The following ALPK1 variants were observed in gnomAD, a reference collection of about 807,000 sequenced individuals.
ALPK1 encodes the protein alpha kinase 1, also known as alpha-protein kinase 1.
A neutral mutation model predicts 120.6 loss-of-function variants in ALPK1; 110 were observed. The ratio of observed to expected loss-of-function variants is 0.91; its 90% CI spans 0.78 to 1.07. ALPK1 has a LOEUF of 1.07. Among genes scored for constraint, ALPK1 ranks in the 50% least tolerant of loss-of-function variants. The pLI is 0.00. For missense variants in ALPK1, 1,498 were observed against 1,483.9 expected, an observed-to-expected ratio of 1.01 and a Z score of -0.16; for synonymous variants, 582 against 560.3, an observed-to-expected ratio of 1.04 and a Z score of -0.55.
chr4:112,341,251 A>C (rs2148706117), intron 2 of ALPK1, among the ~76,000 whole-genome samples: 1 of 152,326 alleles, frequency 6.6e-6, no homozygotes, highest in South Asian at 2.1e-4. Context: ...GCTGTTTCAC[A>C]CAGCAAGCTG....
chr4:112,395,645 A>G (rs1732615286), intron 4 of ALPK1, among the ~76,000 whole-genome samples: 1 of 152,254 alleles, frequency 6.6e-6, no homozygotes, highest in African/African-American at 2.4e-5. Context: ...TTTGAAGTGT[A>G]ATATTGGCAT....
intron 2 of ALPK1, among the ~76,000 whole-genome samples, chr4:112,372,849 T>C (rs1195988672): frequency 1.3e-5 from 2 of 152,146 alleles, no homozygotes; most frequent in Non-Finnish European, 2.9e-5. Flanking sequence ...AAAGACCACT[T>C]TCTACCTTAA....
At chr4:112,422,019 A>T (rs1011842225) in intron 5 of ALPK1, among the ~76,000 whole-genome samples, 1 of 152,174 alleles carries the variant, frequency 6.6e-6, no homozygotes, top group African/African-American at 2.4e-5. Context: ...GGTGACTTGA[A>T]CACAAGCACT....
chr4:112,377,814 G>T lies in ALPK1; in HGVS notation c.37G>T (p.Glu13Ter). ...NQKVVAVLLQ[E>*]CKQVLDQLLL... ...AAAAGTGGTAGCTGTGCTACTGCAA[G>T]AGTGCAAGCAAGTGCTGGATCAGCT... The change falls in exon 3 of 16, where the codon GAG becomes TAG. Residue 13 changes from glutamate (E) to a stop codon, truncating the protein, a stop_gained. Transcript: ENST00000650871. LOFTEE classifies it high-confidence loss of function. 6.2e-7 allele frequency: 1 copy of T among 1,613,362 alleles called. No homozygotes were observed. The highest frequency in any genetic ancestry group is 8.5e-7 in the Non-Finnish European group (1 of 1,179,598).
At chr4:112,397,631 T>A (rs1732709350) in intron 4 of ALPK1, among the ~76,000 whole-genome samples, 1 of 152,196 alleles carries the variant, frequency 6.6e-6, no homozygotes, top group Admixed American at 6.5e-5. Flanking sequence ...ATCACAGAAC[T>A]ATGACAGCTT....
chr4:112,379,044 T>G (rs1416628965), intron 3 of ALPK1, among the ~76,000 whole-genome samples: 2 of 152,196 alleles, frequency 1.3e-5, no homozygotes, highest in African/African-American at 4.8e-5. Context: ...ACCTATAGAA[T>G]ATGCTCTATG....
chr4:112,438,461 G>A (rs947743629), intron 12 of ALPK1, 23 bp from the exon 13 acceptor site: 5 of 1,607,576 alleles, frequency 3.1e-6, no homozygotes, highest in Non-Finnish European at 4.3e-6. Context: ...GCATTTTGTT[G>A]TGTGGATTTT....
chr4:112,400,305 C>A (rs1732850217), intron 4 of ALPK1, among the ~76,000 whole-genome samples: 1 of 152,138 alleles, frequency 6.6e-6, no homozygotes, highest in Non-Finnish European at 1.5e-5. Context: ...ATCACACTTA[C>A]CAGAGAAGGG....
intron 3 of ALPK1, among the ~76,000 whole-genome samples, chr4:112,382,182 G>A (rs1731943587): frequency 6.6e-6 from 1 of 152,082 alleles, no homozygotes; most frequent in Non-Finnish European, 1.5e-5. Context: ...TACCTGTAGG[G>A]CAAAGTCGGC....
intron 2 of ALPK1, chr4:112,358,363 G>A (rs564175137): frequency 5.0e-5 from 30 of 596,988 alleles, no homozygotes; most frequent in Middle Eastern, 2.7e-4. Context: ...TGCCAGCACC[G>A]GCCCCCTGGG....
chr4:112,313,754 C>T (rs1291432848), intron 1 of ALPK1, among the ~76,000 whole-genome samples: 1 of 152,054 alleles, frequency 6.6e-6, no homozygotes, highest in African/African-American at 2.4e-5. Flanking sequence ...GAATTGACGG[C>T]TGGATTTAGC....
intron 2 of ALPK1, chr4:112,358,633 C>T: frequency 1.4e-6 from 1 of 720,326 alleles, no homozygotes; most frequent in South Asian, 1.5e-5. Context: ...CTGGGGGGCC[C>T]TGGCGAGGAG....
intron 2 of ALPK1, among the ~76,000 whole-genome samples, chr4:112,318,744 G>GA (rs1411896416): frequency 7.2e-5 from 11 of 152,094 alleles, no homozygotes; most frequent in Admixed American, 7.2e-4. Flanking sequence ...AAGCTGAAAT[G>GA]AAAAAAATGA....
intron 2 of ALPK1, among the ~76,000 whole-genome samples, chr4:112,334,116 A>G (rs1183303187): frequency 6.6e-6 from 1 of 152,142 alleles, no homozygotes; most frequent in Non-Finnish European, 1.5e-5. Context: ...CTTTAGATGC[A>G]TATCACAAAT....
At chr4:112,398,914 G>T (rs748649213) in intron 4 of ALPK1, among the ~76,000 whole-genome samples, 4 of 152,136 alleles carry the variant, frequency 2.6e-5, no homozygotes, top group Non-Finnish European at 5.9e-5. Context: ...AAACTCCAAG[G>T]TTTTGTCCTA....
chr4:112,375,724 G>T (rs1228969914), intron 2 of ALPK1, among the ~76,000 whole-genome samples: 1 of 151,608 alleles, frequency 6.6e-6, no homozygotes, highest in African/African-American at 2.4e-5. Context: ...CTCTGGAGTA[G>T]CACTTTTCCT....
At chr4:112,358,391 C>A in intron 2 of ALPK1, 1 of 613,216 alleles carries the variant, frequency 1.6e-6, no homozygotes, top group Non-Finnish European at 2.9e-6. Flanking sequence ...ACCCAGTTTG[C>A]GTGAGGCAGA....
chr4:112,380,255 T>G (rs2148727906), intron 3 of ALPK1, among the ~76,000 whole-genome samples: 1 of 152,296 alleles, frequency 6.6e-6, no homozygotes, highest in South Asian at 2.1e-4. Flanking sequence ...GAAAACAGTT[T>G]CAGAAGTTGA....
intron 2 of ALPK1, among the ~76,000 whole-genome samples, chr4:112,366,550 A>G (rs960703328): frequency 6.6e-6 from 1 of 152,212 alleles, no homozygotes; most frequent in African/African-American, 2.4e-5. Context: ...TCAAAAAATA[A>G]TAGATGTTGG....
Sources: allele counts gnomAD v4.1 joint callset (sites outside exome capture counted in the v4.1 genomes callset), GRCh38; gene constraint gnomAD v4.1.1; transcripts MANE v1.5; gene names NCBI Gene and HGNC (gene_info 2026-07-23, HGNC 2026-07-21).